The following SLFN13 variants were observed in gnomAD, a reference collection of about 807,000 sequenced individuals.
SLFN13 encodes the protein schlafen-13.
SLFN13 carries 43 observed loss-of-function variants against 50.6 expected under a neutral mutation model. The observed-to-expected ratio is 0.85, with a 90% CI of 0.67 to 1.09. The LOEUF is 1.09. Ranked by LOEUF, SLFN13 falls within the 50% of genes least tolerant of loss-of-function variation. The pLI, the probability that SLFN13 is intolerant of heterozygous loss-of-function variation, is 0.00. For missense variants in SLFN13, 881 were observed against 1,071.1 expected, an observed-to-expected ratio of 0.82 and a Z score of 2.48; for synonymous variants, 339 against 386.5, an observed-to-expected ratio of 0.88 and a Z score of 1.44.
At chr17:35,445,975 G>T in intron 2 of SLFN13, 1 of 268,534 alleles carries the variant, frequency 3.7e-6, no homozygotes, top group Non-Finnish European at 7.0e-6. Context: ...ACTTCCAGGA[G>T]TAGGTTCCAT....
Position 35,440,468 on chromosome 17 carries a change from T to C in SLFN13, c.*127A>G. On this transcript the variant is annotated 3_prime_UTR_variant, in exon 6 of 6. Coordinates refer to ENST00000285013, the MANE Select transcript of SLFN13 (RefSeq NM_144682.6). Reference sequence around the variant, plus strand: ...CAGAAATGGGGGAGCTCCAAACTCTTTGTGTCAGCTCTGTCCAAATCTCTA... The same window carrying C: ...CAGAAATGGGGGAGCTCCAAACTCTCTGTGTCAGCTCTGTCCAAATCTCTA... The C allele has an allele frequency of 1.7e-6, 2 of 1,180,484 alleles. No homozygotes were observed. The highest frequency in any genetic ancestry group is 4.8e-5 in the East Asian group (2 of 41,476). The allele number at this position is 1,180,484 out of a possible 1,614,324, so 73.1% of individuals were successfully genotyped here.
chr17:35,439,622 A>C lies in SLFN13; in HGVS notation c.*973T>G, dbSNP rs1739714105. ...CCTCCCAAGTAGCTGGGATACAGGC[A>C]TGCACCACCATGCCCTGCTAATTTT... On this transcript the variant is annotated 3_prime_UTR_variant, in exon 6 of 6. Coordinates refer to ENST00000285013, the MANE Select transcript of SLFN13 (RefSeq NM_144682.6). 1.3e-5 allele frequency: 2 copies of C among 152,108 alleles called. No homozygotes were observed. The highest frequency in any genetic ancestry group is 2.9e-5 in the Non-Finnish European group (2 of 68,060). The allele number at this position is 152,108 out of a possible 1,614,324, so 9.4% of individuals were successfully genotyped here.
Position 35,441,255 on chromosome 17 carries a change from C to T in SLFN13, c.2034G>A (p.Gly678=), listed in dbSNP as rs1912869196. ...TGGTTTTTGCCTTCCTATACCAGTC[C>T]CCATCTTCAGTACGGAAATTCTGAG... ...DEAQNFRTED[G]DWYRKAKTIT... is the part of the protein sequence containing the mutation. The change falls in exon 6 of 6, where the codon GGG becomes GGA. Residue 678 remains glycine, a synonymous_variant. Coordinates refer to ENST00000285013, the MANE Select transcript of SLFN13 (RefSeq NM_144682.6). The T allele has an allele frequency of 6.2e-7, 1 of 1,613,860 alleles. No homozygotes were observed. The highest frequency in any genetic ancestry group is 1.7e-5 in the Admixed American group (1 of 59,994).
In SLFN13 at chr17:35,443,318, T is replaced by C. The variant is rs199578235; in HGVS notation, c.1198+471A>G. Among the ~76,000 whole-genome samples the C allele has an allele frequency of 2.6e-4, 40 of 152,330 alleles. No homozygotes were observed. The East Asian group carries it at 7.1e-3, about 27-fold the overall frequency. On this transcript the variant is annotated intron_variant, in intron 4 of 5. Coordinates refer to ENST00000285013, the MANE Select transcript of SLFN13 (RefSeq NM_144682.6). Reference sequence around the variant, plus strand: ...TCCAAAGAGAAATTATTTGTGGTTTTTCTATATTCTTATATTCTACCAGGT... The same window carrying C: ...TCCAAAGAGAAATTATTTGTGGTTTCTCTATATTCTTATATTCTACCAGGT...
chr17:35,441,093 G>T lies in SLFN13; in HGVS notation c.2196C>A (p.Arg732=). ...TGTACTCGGCTATTTCATCTGCATT[G>T]CGAACTACTCTGGTGAGCTCTTCTC... ...YPREELTRVV[R]NADEIAEYIQ... The change falls in exon 6 of 6, where the codon CGC becomes CGA. Residue 732 remains arginine (R), a synonymous_variant. Coordinates refer to ENST00000285013, the MANE Select transcript of SLFN13 (RefSeq NM_144682.6). The T allele has an allele frequency of 6.2e-7, 1 of 1,613,942 alleles. No individual in the cohort carries two copies. The highest frequency in any genetic ancestry group is 8.5e-7 in the Non-Finnish European group (1 of 1,179,986).
In SLFN13 at chr17:35,439,054, T is replaced by TGG. The variant is rs56188402; in HGVS notation, c.*1539_*1540dup. 3.3e-4 allele frequency: 33 copies of TGG among 99,466 alleles called. No homozygotes were observed. Among genetic ancestry groups the TGG allele is most frequent in the African/African-American group, 8.4e-4 (27 of 32,308 alleles). 6.2% of individuals were successfully genotyped at this position (99,466 alleles called of 1,614,324 possible). A position where few individuals can be genotyped will look rare whatever the true frequency, so the allele number is the denominator to read the frequency against. The stretch of plus-strand genomic sequence containing the variant: ...GTCGAAGACATAGGTGCCAGCAGGG[T>TGG]GGGGGGGGGGGTTCATTGTGAGGCT... On this transcript the variant is annotated 3_prime_UTR_variant, in exon 6 of 6. Transcript: ENST00000285013.
Position 35,441,006 on chromosome 17 carries a change from C to T in SLFN13, c.2283G>A (p.Leu761=). Residue 761 remains leucine (L), a synonymous_variant, in exon 6 of 6, where the codon CTG becomes CTA. Transcript: ENST00000285013. ...CCCATTTAGCTTCACTGAGAATTGC[C>T]AGATACCCATGGGGGATATTAATTG... The part of the protein sequence containing the change: ...NPPINIPHGY[L]AILSEAKWVP... 1 of 1,612,860 alleles carries T rather than the reference C, an allele frequency of 6.2e-7. No individual in the cohort carries two copies. The highest frequency in any genetic ancestry group is 8.5e-7 in the Non-Finnish European group (1 of 1,180,018).
Position 35,442,227 on chromosome 17 carries a change from G to A in SLFN13, c.1258C>T (p.His420Tyr). ...ESLWKELSLQ[H>Y]EGLKELIHKQ... ...TGTATTAACTCCTTTAGTCCTTCAT[G>A]CTGTAAAGACAGCTCCTTCCAGAGG... The change falls in exon 5 of 6, where the codon CAT becomes TAT. Residue 420 changes from histidine to tyrosine, a missense_variant. Physicochemically the swap from His to Tyr is moderately conservative, Grantham distance 83. Transcript: ENST00000285013. 6.2e-7 allele frequency: 1 copy of A among 1,613,168 alleles called. No individual in the cohort carries two copies. The highest frequency in any genetic ancestry group is 8.5e-7 in the Non-Finnish European group (1 of 1,179,374).
At chr17:35,445,934 TG>T in intron 2 of SLFN13, 1 of 386,414 alleles carries the variant, frequency 2.6e-6, no homozygotes, top group East Asian at 4.0e-5. Flanking sequence ...ATAGGGTATC[TG>T]AACGAATCTG....
intron 1 of SLFN13, 135 bp downstream of exon 1, chr17:35,448,585 TGG>T (rs145674942): frequency 6.6e-6 from 1 of 152,520 alleles, no homozygotes; most frequent in African/African-American, 2.4e-5. Flanking sequence ...TGGCCGGAGC[TGG>T]GGGGCGGGGG....
At chr17:35,445,828 C>CCTG in intron 2 of SLFN13, 135 bp from the exon 3 acceptor site, 1 of 747,424 alleles carries the variant, frequency 1.3e-6, no homozygotes, top group Non-Finnish European at 2.1e-6. Flanking sequence ...CAGGTATAGT[C>CCTG]TCTTTAGGAG....
Position 35,436,288 on chromosome 17 carries a change from A to G in SLFN13, c.*4307T>C, listed in dbSNP as rs1268503437. ...TACAGAATTTCTGCTTTGATCCACG[A>G]GTTAAACACTTTTTTAATTCCAAAA... On this transcript the variant is annotated 3_prime_UTR_variant, in exon 6 of 6. Coordinates refer to ENST00000285013, the MANE Select transcript of SLFN13 (RefSeq NM_144682.6). 6.6e-6 allele frequency: 1 copy of G among 152,268 alleles called. No homozygotes were observed. The highest frequency in any genetic ancestry group is 2.4e-5 in the African/African-American group (1 of 41,570). The allele number at this position is 152,268 out of a possible 1,614,324, so 9.4% of individuals were successfully genotyped here.
At chr17:35,449,293 C>G (rs1414648900), upstream of SLFN13, among the ~76,000 whole-genome samples, 1 of 151,768 alleles carries the variant, frequency 6.6e-6, no homozygotes, top group African/African-American at 2.4e-5. Flanking sequence ...TGATTGCTTT[C>G]GAGTGGTTCT....
chr17:35,441,579 G>C lies in SLFN13; in HGVS notation c.1906C>G (p.Leu636Val). ...ACTGCTTACCTGATAAAGTTCCTCAGAGGCTGGTTTTCACAAACGTAGAGA... is the reference window on the plus strand; with the variant it reads ...ACTGCTTACCTGATAAAGTTCCTCACAGGCTGGTTTTCACAAACGTAGAGA... ...RILYVCENQP[L>V]RNFISDRNIC... The change falls in exon 5 of 6, where the codon CTG (leucine) becomes GTG (valine). Residue 636 changes from leucine to valine, a missense_variant. Around this residue, in one of 5 missense-constraint regions of SLFN13, gnomAD observed 322 missense variants for 327.4 expected, o/e 0.98. Coordinates refer to ENST00000285013, the MANE Select transcript of SLFN13 (RefSeq NM_144682.6). 6.2e-7 allele frequency: 1 copy of C among 1,606,838 alleles called. No homozygotes were observed. Among genetic ancestry groups the C allele is most frequent in the Non-Finnish European group, 8.5e-7 (1 of 1,178,456 alleles).
chr17:35,442,245 T>C lies in SLFN13; in HGVS notation c.1240A>G (p.Lys414Glu), dbSNP rs1482152616. 6.2e-7 allele frequency: 1 copy of C among 1,610,030 alleles called. No individual in the cohort carries two copies. The highest frequency in any genetic ancestry group is 1.3e-5 in the African/African-American group (1 of 74,868). The change falls in exon 5 of 6, where the codon AAG (lysine) becomes GAG (glutamate). Residue 414 changes from lysine (K) to glutamate (E), a missense_variant. Coordinates refer to ENST00000285013, the MANE Select transcript of SLFN13 (RefSeq NM_144682.6). ...HLECTPESLW[K>E]ELSLQHEGLK... ...CCTTCATGCTGTAAAGACAGCTCCT[T>C]CCAGAGGGACTCTGGAGTACATTCC...
At position 35,435,705 on chromosome 17, in the gene SLFN13, T is replaced by A. The variant is rs933492977; in HGVS notation, c.*4890A>T. 1 of 152,172 alleles carries A rather than the reference T, an allele frequency of 6.6e-6. No individual in the cohort carries two copies. The highest frequency in any genetic ancestry group is 2.4e-5 in the African/African-American group (1 of 41,454). The allele number at this position is 152,172 out of a possible 1,614,324, so 9.4% of individuals were successfully genotyped here. A position where few individuals can be genotyped will look rare whatever the true frequency, so the allele number is the denominator to read the frequency against. On this transcript the variant is annotated 3_prime_UTR_variant, in exon 6 of 6. Transcript: ENST00000285013. ...CTTTATCAAAAGCTTTTTCCTCTATTCAGATGATCATGTGATTTTTCTCTT... is the reference window on the plus strand; with the variant it reads ...CTTTATCAAAAGCTTTTTCCTCTATACAGATGATCATGTGATTTTTCTCTT...
chr17:35,444,499 T>C, intron 3 of SLFN13, 116 bp downstream of exon 3: 1 of 932,420 alleles, frequency 1.1e-6, no homozygotes, highest in Non-Finnish European at 1.5e-6. Context: ...AGCATGGAGA[T>C]TTAGAGAAAG....
intron 2 of SLFN13, among the ~76,000 whole-genome samples, chr17:35,446,344 A>G (rs1913212750): frequency 1.3e-5 from 2 of 152,226 alleles, no homozygotes; most frequent in Non-Finnish European, 2.9e-5. Context: ...GTTTAGTAAA[A>G]TTAAGGTTAA....
At position 35,444,883 on chromosome 17, in the gene SLFN13, A is replaced by G; in HGVS notation, c.798T>C (p.Pro266=). 4 of 1,614,250 alleles carry G rather than the reference A, an allele frequency of 2.5e-6. No individual in the cohort carries two copies. The highest frequency in any genetic ancestry group is 3.4e-6 in the Non-Finnish European group (4 of 1,180,032). ...TTGCAATTACATTTTTCAAAGAGTC[A>G]GGGTCAACCTGTTCTTTGGCACATC... ...VLGCAKEQVD[P]DSLKNVIARA... Residue 266 remains proline (P), a synonymous_variant, in exon 3 of 6, where the codon CCT becomes CCC. Transcript: ENST00000285013.
Sources: gnomAD v4.1 joint callset for allele counts (sites outside exome capture counted in the v4.1 genomes callset) on GRCh38, gnomAD v4.1.1 for gene constraint, gnomAD v4.1.1 regional missense constraint, MANE v1.5 for transcripts, NCBI Gene and HGNC (gene_info 2026-07-23, HGNC 2026-07-21) for gene names.